Variants in STARD13 observed in about 807,000 individuals in gnomAD.
The protein encoded by STARD13 is StAR related lipid transfer domain containing 13.
In STARD13, 62 loss-of-function variants were observed where a neutral mutation model predicts 106.4. That is an observed-to-expected ratio of 0.58 (90% CI 0.48 to 0.72). The LOEUF (loss-of-function observed/expected upper bound fraction) is 0.72. Among genes scored for constraint, STARD13 ranks in the 30% least tolerant of loss-of-function variants. STARD13 has a pLI of 0.00. For missense variants in STARD13, 1,387 were observed against 1,424.0 expected (o/e 0.97, Z 0.42); for synonymous variants, 565 against 553.0 (o/e 1.02, Z -0.31).
At chr13:33,576,858 C>T in the STARD13 span, among the ~76,000 whole-genome samples, 1 of 152,058 alleles carries the variant, frequency 6.6e-6, no homozygotes, top group Admixed American at 6.6e-5. Context: ...TTTGTAAAAT[C>T]CTCTTCCCTG....
chr13:33,285,363 C>A (rs1594218228), intron 1 of STARD13, 107 bp downstream of exon 1: 2 of 1,216,652 alleles, frequency 1.6e-6, no homozygotes, highest in East Asian at 4.7e-5. Flanking sequence ...GCATAGAAAT[C>A]CATATGTTAT....
the STARD13 span, among the ~76,000 whole-genome samples, chr13:33,545,445 A>G: frequency 2.0e-5 from 3 of 152,334 alleles, no homozygotes; most frequent in African/African-American, 7.2e-5. Flanking sequence ...TAATAAATTC[A>G]CTAATGAAGC....
At chr13:33,430,072 C>T in the STARD13 span, among the ~76,000 whole-genome samples, 2 of 152,060 alleles carry the variant, frequency 1.3e-5, no homozygotes, top group Non-Finnish European at 1.5e-5. Context: ...CGCCCGCCAC[C>T]ACGCCTGGCT....
chr13:33,480,322 T>G, the STARD13 span, among the ~76,000 whole-genome samples: 1 of 152,156 alleles, frequency 6.6e-6, no homozygotes, highest in South Asian at 2.1e-4. Context: ...ATATTAAATT[T>G]TTAAAAATCC....
the STARD13 span, among the ~76,000 whole-genome samples, chr13:33,455,937 C>T: frequency 6.6e-6 from 1 of 151,862 alleles, no homozygotes; most frequent in Non-Finnish European, 1.5e-5. Flanking sequence ...AGCAAGACTC[C>T]GTCTCAACAA....
chr13:33,296,904 C>A (rs183281946), intron 1 of STARD13, among the ~76,000 whole-genome samples: 14 of 152,294 alleles, frequency 9.2e-5, no homozygotes, highest in Non-Finnish European at 1.6e-4. Flanking sequence ...TAGGCATGAG[C>A]CACTGCGCCC....
At chr13:33,137,900 C>A (rs182787114) in intron 4 of STARD13, among the ~76,000 whole-genome samples, 1 of 103,708 alleles carries the variant, frequency 9.6e-6, no homozygotes, top group Non-Finnish European at 1.9e-5. Context: ...GTGGGAGATG[C>A]GGGGGTGTGC....
the STARD13 span, among the ~76,000 whole-genome samples, chr13:33,478,340 C>T: frequency 6.6e-6 from 1 of 152,186 alleles, no homozygotes; most frequent in African/African-American, 2.4e-5. Context: ...CCTGCCCAGG[C>T]TCTTTTGTAG....
chr13:33,375,084 G>A, the STARD13 span, among the ~76,000 whole-genome samples: 4 of 152,172 alleles, frequency 2.6e-5, no homozygotes, highest in Non-Finnish European at 5.9e-5. Flanking sequence ...CTTCCGGGTA[G>A]AGAAATTATA....
At chr13:33,593,006 C>T in the STARD13 span, among the ~76,000 whole-genome samples, 6 of 151,796 alleles carry the variant, frequency 4.0e-5, no homozygotes, top group Non-Finnish European at 8.8e-5. Flanking sequence ...AAGGTGGGCA[C>T]CTAGGAGAGG....
chr13:33,466,986 G>A, the STARD13 span, among the ~76,000 whole-genome samples: 1 of 151,950 alleles, frequency 6.6e-6, no homozygotes, highest in Non-Finnish European at 1.5e-5. Context: ...TTTTATCAAG[G>A]ATATAACTTG....
At chr13:33,112,152 T>C (rs181187746) in intron 9 of STARD13, among the ~76,000 whole-genome samples, 1 of 152,216 alleles carries the variant, frequency 6.6e-6, no homozygotes. Flanking sequence ...TTCCAAAGTT[T>C]GAAACCCCTT....
intron 1 of STARD13, among the ~76,000 whole-genome samples, chr13:33,213,353 C>A (rs1289297096): frequency 6.6e-6 from 1 of 152,130 alleles, no homozygotes; most frequent in East Asian, 1.9e-4. Context: ...AAAGAGTCAA[C>A]CATGCACTGG....
the STARD13 span, among the ~76,000 whole-genome samples, chr13:33,403,093 C>T: frequency 1.4e-4 from 21 of 152,234 alleles, no homozygotes; most frequent in Non-Finnish European, 3.1e-4. Flanking sequence ...ACACTGGGGC[C>T]GCAGGCACCC....
the STARD13 span, among the ~76,000 whole-genome samples, chr13:33,555,292 A>G: frequency 2.6e-5 from 4 of 152,162 alleles, no homozygotes; most frequent in African/African-American, 9.7e-5. Flanking sequence ...CTATTTCTCT[A>G]ACCTCTTGCT....
the STARD13 span, among the ~76,000 whole-genome samples, chr13:33,510,408 A>G: frequency 0.02 from 3,060 of 152,252 alleles, 98 homozygotes; most frequent in African/African-American, 0.068. Context: ...ATAATGAGAG[A>G]CATAGTTAAC....
the STARD13 span, among the ~76,000 whole-genome samples, chr13:33,471,632 T>C: frequency 7.2e-6 from 1 of 138,292 alleles, no homozygotes; most frequent in South Asian, 2.2e-4. Context: ...ATTGGCCCCC[T>C]GTTTTTTTTT....
the STARD13 span, among the ~76,000 whole-genome samples, chr13:33,605,584 T>C: frequency 2.6e-5 from 4 of 152,268 alleles, no homozygotes; most frequent in African/African-American, 9.6e-5. Flanking sequence ...TGTACTTACT[T>C]TGTGGCAGAG....
rs1484784844 is a variant in STARD13, at chr13:33,281,559, A to G, written c.169+3911T>C. The G allele has an allele frequency of 2.0e-5, 3 of 151,992 alleles. No individual in the cohort carries two copies. In the East Asian group the frequency reaches 5.8e-4, roughly 29 times the overall value. The allele number at this position is 151,992 out of a possible 1,614,324, so 9.4% of individuals were successfully genotyped here. A position where few individuals can be genotyped will look rare whatever the true frequency, so the allele number is the denominator to read the frequency against. ...AATGACATAGAAATCCAATTCTCCC[A>G]CCTTACACCCATTAAGATGGCTACT... On this transcript the variant is annotated intron_variant, in intron 1 of 13. Coordinates refer to ENST00000336934, the MANE Select transcript of STARD13 (RefSeq NM_178006.4).
Sources: gnomAD v4.1 joint callset for allele counts (sites outside exome capture counted in the v4.1 genomes callset) on GRCh38, gnomAD v4.1.1 for gene constraint, MANE v1.5 for transcripts, NCBI Gene and HGNC (gene_info 2026-07-23, HGNC 2026-07-21) for gene names.